GTF2A2: variants seen among roughly 807,000 people sequenced by gnomAD.
GTF2A2 encodes general transcription factor IIA subunit 2.
In GTF2A2, 9 loss-of-function variants were observed where a neutral mutation model predicts 14.3. The observed-to-expected ratio is 0.63, with a 90% CI of 0.38 to 1.10. The LOEUF (loss-of-function observed/expected upper bound fraction) is 1.10. GTF2A2 is among the 50% of genes least tolerant of loss of function. The pLI, the probability that GTF2A2 is intolerant of heterozygous loss-of-function variation, is 0.01. For missense variants in GTF2A2, 90 were observed against 124.6 expected (o/e 0.72, Z 1.32); for synonymous variants, 56 against 46.0 (o/e 1.22, Z -0.88).
In GTF2A2 at chr15:59,654,379, T is replaced by G. The variant is rs189620625; in HGVS notation, c.-49-2053A>C. Among the ~76,000 whole-genome samples the G allele has an allele frequency of 3.3e-5, 5 of 152,324 alleles. No homozygotes were observed. The East Asian group carries it at 9.7e-4, about 29-fold the overall frequency. The stretch of plus-strand genomic sequence containing the variant: ...GCTGACAGTATTCTTTCCAAATACC[T>G]GCATAGTTCACTCTCTCATTTGATT... On this transcript the variant is annotated intron_variant, in intron 1 of 4. Coordinates refer to ENST00000396060, the MANE Select transcript of GTF2A2 (RefSeq NM_004492.3).
At chr15:59,645,459 T>C (rs189489855) in intron 3 of GTF2A2, among the ~76,000 whole-genome samples, 116 of 152,008 alleles carry the variant, frequency 7.6e-4, no homozygotes, top group African/African-American at 2.6e-3. Flanking sequence ...TCAAGGGAAA[T>C]AGGGGTTCAA....
intron 3 of GTF2A2, chr15:59,644,299 T>C (rs554349886): frequency 6.6e-6 from 1 of 152,326 alleles, no homozygotes; most frequent in East Asian, 1.9e-4. Flanking sequence ...ATAGGAAATT[T>C]AGTAGGCAAC....
chr15:59,643,072 ATTTTT>A (rs398043378), intron 3 of GTF2A2, among the ~76,000 whole-genome samples: 1 of 64,096 alleles, frequency 1.6e-5, no homozygotes, highest in South Asian at 5.5e-4. Context: ...GGCCTATATA[ATTTTT>A]TTTTTTTTTT....
At chr15:59,652,001 A>C (rs1271429818) in intron 2 of GTF2A2, 4 of 468,218 alleles carry the variant, frequency 8.5e-6, no homozygotes, top group Non-Finnish European at 1.5e-5. Flanking sequence ...GCTATATTTA[A>C]TGATATCATT....
At chr15:59,642,582 A>C (rs1416220669) in intron 3 of GTF2A2, among the ~76,000 whole-genome samples, 1 of 152,230 alleles carries the variant, frequency 6.6e-6, no homozygotes, top group Non-Finnish European at 1.5e-5. Context: ...AAGTTCATTC[A>C]AATTATGGAA....
At chr15:59,639,254 A>G in intron 4 of GTF2A2, 97 bp from the exon 5 acceptor site, 2 of 771,366 alleles carry the variant, frequency 2.6e-6, no homozygotes, top group South Asian at 2.8e-5. Context: ...AGAACACAGG[A>G]CTAATAGTGG....
chr15:59,656,410 G>A (rs1458939241), intron 1 of GTF2A2, among the ~76,000 whole-genome samples: 1 of 141,340 alleles, frequency 7.1e-6, no homozygotes, highest in Non-Finnish European at 1.5e-5. Context: ...GAACTTTCCC[G>A]TACTCCTTTA....
At chr15:59,647,901 T>C (rs998949332) in intron 3 of GTF2A2, among the ~76,000 whole-genome samples, 2 of 152,062 alleles carry the variant, frequency 1.3e-5, no homozygotes, top group African/African-American at 4.8e-5. Flanking sequence ...ATATAATAAA[T>C]GTTTGTTACA....
In GTF2A2 at chr15:59,639,067, T is replaced by TCTATGCTTCTCTTCAAAAGCAATGAATA; in HGVS notation, c.*37_*64dup. On this transcript the variant is annotated 3_prime_UTR_variant, in exon 5 of 5. Coordinates refer to ENST00000396060, the MANE Select transcript of GTF2A2 (RefSeq NM_004492.3). ...ATTCTAGAATAAATAAAAAGTCTCT[T>TCTATGCTTCTCTTCAAAAGCAATGAATA]CTATGCTTCTCTTCAAAAGCAATGA... is the stretch of plus-strand genomic sequence containing the variant. 2 of 921,832 alleles carry TCTATGCTTCTCTTCAAAAGCAATGAATA rather than the reference T, an allele frequency of 2.2e-6. No homozygotes were observed. Among genetic ancestry groups the TCTATGCTTCTCTTCAAAAGCAATGAATA allele is most frequent in the East Asian group, 4.8e-5 (2 of 41,274 alleles). 57.1% of individuals were successfully genotyped at this position (921,832 alleles called of 1,614,324 possible). A position where few individuals can be genotyped will look rare whatever the true frequency, so the allele number is the denominator to read the frequency against.
In GTF2A2 at chr15:59,650,626, C is replaced by T. The variant is rs368490876; in HGVS notation, c.177+43G>A. The T allele has an allele frequency of 6.5e-5, 71 of 1,094,080 alleles. No individual in the cohort carries two copies. In the African/African-American group the frequency reaches 9.6e-4, roughly 15 times the overall value. The allele number at this position is 1,094,080 out of a possible 1,614,324, so 67.8% of individuals were successfully genotyped here. On this transcript the variant is annotated intron_variant, in intron 3 of 4. Transcript: ENST00000396060. ...TCCTAAAAAAAAATCAGTGTTTTAA[C>T]AACCATTGGTACAGGCTTCTAGATT...
At chr15:59,653,638 T>TA (rs1891859720) in intron 1 of GTF2A2, among the ~76,000 whole-genome samples, 1 of 152,178 alleles carries the variant, frequency 6.6e-6, no homozygotes, top group Admixed American at 6.5e-5. Flanking sequence ...CATCCAGACT[T>TA]ACGGCTTTAA....
chr15:59,643,374 C>G (rs898059508), intron 3 of GTF2A2, among the ~76,000 whole-genome samples: 1 of 151,698 alleles, frequency 6.6e-6, no homozygotes, highest in African/African-American at 2.4e-5. Context: ...ATCACTGCAC[C>G]AGCCTATTTT....
At chr15:59,639,435 T>G (rs1432749304) in intron 4 of GTF2A2, among the ~76,000 whole-genome samples, 1 of 151,294 alleles carries the variant, frequency 6.6e-6, no homozygotes, top group Non-Finnish European at 1.5e-5. Flanking sequence ...TACATAACCT[T>G]TCTTCCCCCA....
At position 59,639,016 on chromosome 15, in the gene GTF2A2, T is replaced by C. The variant is rs1185384357; in HGVS notation, c.*116A>G. The C allele has an allele frequency of 2.9e-6, 2 of 697,086 alleles. No individual in the cohort carries two copies. The highest frequency in any genetic ancestry group is 2.3e-5 in the Admixed American group (1 of 43,796). The allele number at this position is 697,086 out of a possible 1,614,324, so 43.2% of individuals were successfully genotyped here. ...GTTTCTTTCTACTGGAATTCTCTGGTATAGCACAGTGTAGTCATTTCTGCA... is the reference window on the plus strand; with the variant it reads ...GTTTCTTTCTACTGGAATTCTCTGGCATAGCACAGTGTAGTCATTTCTGCA... On this transcript the variant is annotated 3_prime_UTR_variant, in exon 5 of 5. Transcript: ENST00000396060.
At chr15:59,640,892 C>G (rs1165561869) in intron 4 of GTF2A2, among the ~76,000 whole-genome samples, 2 of 152,010 alleles carry the variant, frequency 1.3e-5, no homozygotes, top group Non-Finnish European at 2.9e-5. Context: ...TATCTAATGA[C>G]TATAATAAAA....
chr15:59,641,016 G>A (rs2141955666), intron 4 of GTF2A2, among the ~76,000 whole-genome samples: 1 of 152,226 alleles, frequency 6.6e-6, no homozygotes, highest in East Asian at 1.9e-4. Flanking sequence ...ATCTGGAAGA[G>A]ACTATTTCTT....
At position 59,643,072 on chromosome 15, in the gene GTF2A2, ATTTTTTTTTTTTT is replaced by A. The variant is rs398043378; in HGVS notation, c.178-823_178-811del. 1.9e-4 allele frequency among the ~76,000 whole-genome samples: 12 copies of A among 64,096 alleles called. 1 individual carries two copies. The highest frequency in any genetic ancestry group is 7.0e-4 in the African/African-American group (10 of 14,330). The allele number at this position is 64,096 out of a possible 152,430, so 42.0% of individuals were successfully genotyped here. On this transcript the variant is annotated intron_variant, in intron 3 of 4. Transcript: ENST00000396060. ...TGAACCACCGCGCCTGGCCTATATAATTTTTTTTTTTTTTTTTTTTTTTTTGAGACAGAGTCTC... is the reference window on the plus strand; with the variant it reads ...TGAACCACCGCGCCTGGCCTATATAATTTTTTTTTTTTGAGACAGAGTCTC...
intron 2 of GTF2A2, 70 bp from the exon 3 acceptor site, chr15:59,650,843 A>C: frequency 1.2e-6 from 1 of 833,128 alleles, no homozygotes. Context: ...AAAAATATAC[A>C]AATTATCATC....
At position 59,650,759 on chromosome 15, in the gene GTF2A2, G is replaced by A. The variant is rs558190248; in HGVS notation, c.87C>T (p.Thr29=). 18 of 1,599,778 alleles carry A rather than the reference G, an allele frequency of 1.1e-5. No homozygotes were observed. In the South Asian group the frequency reaches 1.8e-4, roughly 16 times the overall value. Residue 29 remains threonine, a synonymous_variant, in exon 3 of 5, where the codon ACC becomes ACT. Coordinates refer to ENST00000396060, the MANE Select transcript of GTF2A2 (RefSeq NM_004492.3). ...LDELIQSQQI[T]PQLALQVLLQ... is the part of the protein sequence containing the mutation. ...GTAGAACTTGAAGGGCAAGTTGGGG[G>A]GTGATCTGTTGAGACTGAGAAAAGG...
Sources: allele counts gnomAD v4.1 joint callset (sites outside exome capture counted in the v4.1 genomes callset), GRCh38; gene constraint gnomAD v4.1.1; transcripts MANE v1.5; gene names NCBI Gene and HGNC (gene_info 2026-07-23, HGNC 2026-07-21).